The following RNLS variants were observed in gnomAD, a reference collection of about 807,000 sequenced individuals.
RNLS encodes renalase.
Under a neutral mutation model 39.8 loss-of-function variants are expected in RNLS, and 39 were observed. The observed-to-expected ratio is 0.98, with a 90% confidence interval of 0.76 to 1.28. RNLS has a LOEUF of 1.28. Ranked by LOEUF, RNLS falls within the 50% of genes most tolerant of loss-of-function variation. RNLS has a pLI of 0.00. For missense variants in RNLS, 410 were observed against 413.3 expected, an observed-to-expected ratio of 0.99 and a Z score of 0.07; for synonymous variants, 147 against 150.7, an observed-to-expected ratio of 0.98 and a Z score of 0.18.
the RNLS span, among the ~76,000 whole-genome samples, chr10:88,240,958 A>G: frequency 6.6e-6 from 1 of 150,918 alleles, no homozygotes; most frequent in African/African-American, 2.4e-5. Flanking sequence ...GTTTTTCATT[A>G]TTTATCATCA....
At chr10:88,235,096 C>T in the RNLS span, among the ~76,000 whole-genome samples, 1 of 151,668 alleles carries the variant, frequency 6.6e-6, no homozygotes, top group Non-Finnish European at 1.5e-5. Flanking sequence ...CCCGTCTCTA[C>T]TAAAAATACA....
intron 6 of RNLS, among the ~76,000 whole-genome samples, chr10:88,299,921 C>G (rs1035359716): frequency 6.6e-6 from 1 of 152,016 alleles, no homozygotes; most frequent in African/African-American, 2.4e-5. Flanking sequence ...CAAATGAAAA[C>G]AAGTATACAA....
At chr10:88,454,756 T>C (rs1317033575) in intron 4 of RNLS, among the ~76,000 whole-genome samples, 2 of 152,144 alleles carry the variant, frequency 1.3e-5, no homozygotes, top group African/African-American at 2.4e-5. Flanking sequence ...AGGCAAGAAG[T>C]AGAACTTGTT....
At chr10:88,274,948 A>C (rs766456159) in exon 7 of RNLS, 2 of 1,608,096 alleles carry the variant, frequency 1.2e-6, no homozygotes, top group African/African-American at 1.3e-5. Context: ...TGTGTGCTCC[A>C]ATTTCCAGGA....
At chr10:88,261,463 A>C in the RNLS span, among the ~76,000 whole-genome samples, 1 of 152,160 alleles carries the variant, frequency 6.6e-6, no homozygotes, top group Non-Finnish European at 1.5e-5. Flanking sequence ...ACTACCTTAT[A>C]ATGATGCCTG....
the RNLS span, among the ~76,000 whole-genome samples, chr10:88,228,116 C>T: frequency 6.6e-6 from 1 of 152,166 alleles, no homozygotes; most frequent in East Asian, 1.9e-4. Context: ...CCTCTCTTTC[C>T]ATTTTCCTAG....
At chr10:88,500,753 A>T (rs1164891076) in intron 4 of RNLS, among the ~76,000 whole-genome samples, 1 of 152,116 alleles carries the variant, frequency 6.6e-6, no homozygotes, top group African/African-American at 2.4e-5. Context: ...TTAAATAATC[A>T]TCCTCTCCAA....
At chr10:88,430,932 T>C (rs1855100537) in intron 4 of RNLS, among the ~76,000 whole-genome samples, 1 of 151,714 alleles carries the variant, frequency 6.6e-6, no homozygotes. Flanking sequence ...TATTGACCTG[T>C]AGTTCTGTTT....
At chr10:88,429,764 C>T (rs181429232) in intron 4 of RNLS, among the ~76,000 whole-genome samples, 1 of 151,856 alleles carries the variant, frequency 6.6e-6, no homozygotes. Flanking sequence ...ATATAGCCTT[C>T]CAATTACTCC....
chr10:88,413,528 C>T (rs993172339), intron 4 of RNLS, among the ~76,000 whole-genome samples: 12 of 152,190 alleles, frequency 7.9e-5, no homozygotes, highest in Admixed American at 3.3e-4. Context: ...CTGGATCTTA[C>T]GTCATCCCTG....
chr10:88,237,211 A>G, the RNLS span, among the ~76,000 whole-genome samples: 1 of 150,008 alleles, frequency 6.7e-6, no homozygotes. Flanking sequence ...ATATGTAGAC[A>G]CTTTGAGTCC....
At chr10:88,559,609 C>CA (rs1475220196) in intron 4 of RNLS, among the ~76,000 whole-genome samples, 1 of 152,150 alleles carries the variant, frequency 6.6e-6, no homozygotes, top group Non-Finnish European at 1.5e-5. Context: ...CTCTCTAAAG[C>CA]ACTCTCTCCC....
the RNLS span, among the ~76,000 whole-genome samples, chr10:88,234,002 A>G: frequency 2.7e-5 from 4 of 149,470 alleles, no homozygotes; most frequent in African/African-American, 9.9e-5. Context: ...GTATTTAATA[A>G]AGAGCAGCCA....
At chr10:88,579,651 A>G (rs1850419052) in intron 3 of RNLS, among the ~76,000 whole-genome samples, 1 of 152,182 alleles carries the variant, frequency 6.6e-6, no homozygotes, top group East Asian at 1.9e-4. Flanking sequence ...GGGTCAGGGG[A>G]AAATCATGGT....
chr10:88,484,678 G>A (rs1250120573), intron 4 of RNLS, among the ~76,000 whole-genome samples: 1 of 151,930 alleles, frequency 6.6e-6, no homozygotes, highest in African/African-American at 2.4e-5. Context: ...AGCAGTTAAT[G>A]ATTTCATGAA....
chr10:88,494,222 C>A (rs931804635), intron 4 of RNLS, among the ~76,000 whole-genome samples: 1 of 151,982 alleles, frequency 6.6e-6, no homozygotes, highest in African/African-American at 2.4e-5. Context: ...GGAAGTTACA[C>A]GGAAAAATGT....
chr10:88,300,302 GAGAA>G (rs1406001713), intron 6 of RNLS, among the ~76,000 whole-genome samples: 1 of 152,188 alleles, frequency 6.6e-6, no homozygotes, highest in Non-Finnish European at 1.5e-5. Context: ...GAAAGAGAGA[GAGAA>G]AGAGAGACTG....
intron 4 of RNLS, among the ~76,000 whole-genome samples, chr10:88,444,136 G>A (rs547288799): frequency 3.9e-5 from 6 of 152,334 alleles, no homozygotes; most frequent in Admixed American, 2.6e-4. Context: ...CCAGAAGAAC[G>A]ATCAGGTAGC....
the RNLS span, among the ~76,000 whole-genome samples, chr10:88,187,285 AG>A: frequency 6.7e-6 from 1 of 150,184 alleles, no homozygotes; most frequent in Non-Finnish European, 1.5e-5. Context: ...CAAACAAATC[AG>A]TTTCTACATT....
Sources: allele counts gnomAD v4.1 joint callset (sites outside exome capture counted in the v4.1 genomes callset), GRCh38; gene constraint gnomAD v4.1.1; transcripts MANE v1.5; gene names NCBI Gene and HGNC (gene_info 2026-07-23, HGNC 2026-07-21).